CSPP1: variants seen among roughly 807,000 people sequenced by gnomAD.
CSPP1 encodes the protein centrosome and spindle pole associated protein 1.
In CSPP1, 126 loss-of-function variants were observed where a neutral mutation model predicts 164.4. The ratio of observed to expected loss-of-function variants is 0.77; its 90% CI spans 0.66 to 0.89. The LOEUF is 0.89. Ranked by LOEUF, CSPP1 falls within the 40% of genes least tolerant of loss-of-function variation. The pLI is 0.00. For synonymous variants in CSPP1, 472 were observed against 476.7 expected (o/e 0.99, Z 0.13); for missense variants, 1,395 against 1,449.8 (o/e 0.96, Z 0.61).
intron 9 of CSPP1, 49 bp from the exon 10 acceptor site, chr8:67,111,923 A>G (rs1278545954): frequency 8.7e-7 from 1 of 1,148,096 alleles, no homozygotes; most frequent in Admixed American, 2.1e-5. Context: ...TTCTAATTGC[A>G]TACGATGCTT....
At chr8:67,182,020 A>G (rs948498952) in intron 28 of CSPP1, among the ~76,000 whole-genome samples, 4 of 152,134 alleles carry the variant, frequency 2.6e-5, no homozygotes, top group Admixed American at 2.6e-4. Context: ...TTTACCCCTT[A>G]GAGACAGGGT....
intron 24 of CSPP1, among the ~76,000 whole-genome samples, chr8:67,166,461 G>C (rs1046229754): frequency 1.3e-5 from 2 of 152,100 alleles, no homozygotes; most frequent in African/African-American, 4.8e-5. Context: ...CTTATGGTTT[G>C]TTTAGATTTT....
chr8:67,108,212 T>C (rs1177256340), intron 9 of CSPP1, among the ~76,000 whole-genome samples: 2 of 151,726 alleles, frequency 1.3e-5, no homozygotes, highest in Non-Finnish European at 2.9e-5. Context: ...CTGGGCAACA[T>C]AGGGAGACCA....
At chr8:67,083,010 C>T (rs1239873344) in intron 3 of CSPP1, among the ~76,000 whole-genome samples, 1 of 152,144 alleles carries the variant, frequency 6.6e-6, no homozygotes, top group African/African-American at 2.4e-5. Context: ...TTGTTCTATA[C>T]AGTTCCTAAT....
intron 30 of CSPP1, among the ~76,000 whole-genome samples, chr8:67,194,682 A>AGAATT (rs1332521784): frequency 1.3e-5 from 2 of 150,952 alleles, no homozygotes; most frequent in Non-Finnish European, 3.0e-5. Flanking sequence ...ACAGACCAGG[A>AGAATT]GAATTAAAAA....
intron 28 of CSPP1, among the ~76,000 whole-genome samples, chr8:67,189,297 TAAAG>T (rs1835539525): frequency 6.6e-6 from 1 of 152,296 alleles, no homozygotes; most frequent in East Asian, 1.9e-4. Context: ...AACTTGTCCA[TAAAG>T]AAACTGGCAC....
At chr8:67,190,252 TAAAC>T (rs1563797300) in intron 28 of CSPP1, among the ~76,000 whole-genome samples, 1 of 152,192 alleles carries the variant, frequency 6.6e-6, no homozygotes, top group Admixed American at 6.5e-5. Flanking sequence ...TAAAATGTAA[TAAAC>T]AACTTAAACA....
intron 17 of CSPP1, among the ~76,000 whole-genome samples, chr8:67,143,216 T>A (rs909247696): frequency 1.3e-5 from 2 of 152,104 alleles, no homozygotes; most frequent in African/African-American, 4.8e-5. Context: ...GTTCCATTGC[T>A]CTATATTTCT....
At chr8:67,146,156 T>C (rs1267380733) in intron 17 of CSPP1, among the ~76,000 whole-genome samples, 4 of 147,666 alleles carry the variant, frequency 2.7e-5, no homozygotes, top group African/African-American at 5.0e-5. Flanking sequence ...AAGGTCTCAC[T>C]CTGTCACCCA....
chr8:67,072,335 A>G (rs1232759773), intron 1 of CSPP1, among the ~76,000 whole-genome samples: 1 of 152,128 alleles, frequency 6.6e-6, no homozygotes, highest in African/African-American at 2.4e-5. Flanking sequence ...AGTACAAACA[A>G]ATTTAAAAAT....
In CSPP1 at chr8:67,095,485, T is replaced by A. The variant is rs767267797; in HGVS notation, c.676T>A (p.Leu226Ile). Reference protein sequence around the residue: ...RYRQLDDEIELRNRRIIKKAN... With the variant: ...RYRQLDDEIEIRNRRIIKKAN... ...CCGACAACTAGATGATGAAATCGAA[T>A]TAAGGAATAGAAGAATTATTAAAAA... Residue 226 changes from leucine to isoleucine, a missense_variant, in exon 7 of 31, where the codon TTA (leucine) becomes ATA (isoleucine). By Grantham distance (5) the Leu-to-Ile change is conservative (BLOSUM62 2). Transcript: ENST00000678616. 2.5e-6 allele frequency: 4 copies of A among 1,613,046 alleles called. No individual in the cohort carries two copies. In the South Asian group the frequency reaches 4.4e-5, roughly 18 times the overall value.
intron 3 of CSPP1, chr8:67,083,548 A>AAAATATATAT (rs1332248754): frequency 2.2e-5 from 2 of 91,500 alleles, no homozygotes; most frequent in African/African-American, 4.5e-5. Context: ...AAAAAAAAAA[A>AAAATATATAT]ATATATATAT....
Position 67,195,717 on chromosome 8 carries a change from A to AAATT in CSPP1, c.*126_*129dup. The AAATT allele has an allele frequency of 1.4e-6, 1 of 692,900 alleles. No individual in the cohort carries two copies. Among genetic ancestry groups the AAATT allele is most frequent in the Non-Finnish European group, 2.5e-6 (1 of 406,430 alleles). 42.9% of individuals were successfully genotyped at this position (692,900 alleles called of 1,614,324 possible). ...ACTTTTTTTCCATCATCTGTATATAAAATTATTTTTATCATGATGTATATT... is the reference window on the plus strand; with the variant it reads ...ACTTTTTTTCCATCATCTGTATATAAAATTAATTATTTTTATCATGATGTATATT... On this transcript the variant is annotated 3_prime_UTR_variant, in exon 31 of 31. Coordinates refer to ENST00000678616, the MANE Select transcript of CSPP1 (RefSeq NM_001382391.1).
At chr8:67,159,888 CTTTCTTTCTTT>C (rs1827575443) in intron 21 of CSPP1, among the ~76,000 whole-genome samples, 1 of 64,826 alleles carries the variant, frequency 1.5e-5, no homozygotes, top group Admixed American at 1.7e-4. Context: ...TTCTTTCTTT[CTTTCTTTCTTT>C]CTTTCTTTCT....
At chr8:67,111,434 T>G (rs1816815354) in intron 9 of CSPP1, among the ~76,000 whole-genome samples, 1 of 152,108 alleles carries the variant, frequency 6.6e-6, no homozygotes, top group African/African-American at 2.4e-5. Flanking sequence ...AAGTTATTGC[T>G]GCAATCCAGG....
At chr8:67,161,089 A>T (rs1276209059) in intron 21 of CSPP1, among the ~76,000 whole-genome samples, 3 of 152,186 alleles carry the variant, frequency 2.0e-5, no homozygotes, top group African/African-American at 7.2e-5. Context: ...AAGTGCTGGG[A>T]TTATAGACAT....
intron 22 of CSPP1, among the ~76,000 whole-genome samples, chr8:67,162,167 A>G (rs1409497112): frequency 1.3e-5 from 2 of 152,202 alleles, no homozygotes; most frequent in South Asian, 2.1e-4. Context: ...TGAGTCTGTT[A>G]TACTTTAGAT....
At chr8:67,102,272 G>C (rs1444534366) in intron 7 of CSPP1, among the ~76,000 whole-genome samples, 1 of 151,964 alleles carries the variant, frequency 6.6e-6, no homozygotes. Flanking sequence ...TTAATTTATT[G>C]ATAAGACTGC....
In CSPP1 at chr8:67,131,842, T is replaced by C. The variant is rs924043791; in HGVS notation, c.1698-109T>C. ...TCTTTGGCCTATAGAGAAATATCCT[T>C]CTGTATTTTTAAATGTATTTATATG... On this transcript the variant is annotated intron_variant, in intron 15 of 30. Coordinates refer to ENST00000678616, the MANE Select transcript of CSPP1 (RefSeq NM_001382391.1). 45 of 965,812 alleles carry C rather than the reference T, an allele frequency of 4.7e-5. No homozygotes were observed. In the African/African-American group the frequency reaches 7.2e-4, roughly 15 times the overall value. The allele number at this position is 965,812 out of a possible 1,614,324, so 59.8% of individuals were successfully genotyped here. A position where few individuals can be genotyped will look rare whatever the true frequency, so the allele number is the denominator to read the frequency against.
Sources: allele counts gnomAD v4.1 joint callset (sites outside exome capture counted in the v4.1 genomes callset), GRCh38; gene constraint gnomAD v4.1.1; transcripts MANE v1.5; gene names NCBI Gene and HGNC (gene_info 2026-07-23, HGNC 2026-07-21).